The following RNF220 variants were observed in gnomAD, a reference collection of about 807,000 sequenced individuals.
RNF220 encodes the protein ring finger protein 220.
A neutral mutation model predicts 67.1 loss-of-function variants in RNF220; 7 were observed. The ratio of observed to expected loss-of-function variants is 0.10; its 90% CI spans 0.06 to 0.20. The LOEUF (loss-of-function observed/expected upper bound fraction) is 0.20. Among genes scored for constraint, RNF220 ranks in the 10% least tolerant of loss-of-function variants. The pLI is 1.00. For synonymous variants in RNF220, 270 were observed against 283.2 expected (o/e 0.95, Z 0.47); for missense variants, 565 against 740.3 (o/e 0.76, Z 2.75).
chr1:44,520,215 C>T (rs1307764711), intron 2 of RNF220, among the ~76,000 whole-genome samples: 9 of 151,684 alleles, frequency 5.9e-5, no homozygotes, highest in Non-Finnish European at 7.4e-5. Context: ...GTAATCCCAG[C>T]ACTTGGGGAG....
At chr1:44,492,674 G>A (rs1267301160) in intron 2 of RNF220, among the ~76,000 whole-genome samples, 1 of 152,142 alleles carries the variant, frequency 6.6e-6, no homozygotes, top group African/African-American at 2.4e-5. Flanking sequence ...AAAAGGCCAT[G>A]TATTATATGA....
intron 2 of RNF220, among the ~76,000 whole-genome samples, chr1:44,440,592 TATA>T (rs1651448508): frequency 6.6e-6 from 1 of 152,214 alleles, no homozygotes; most frequent in African/African-American, 2.4e-5. Flanking sequence ...ATTTGACCAA[TATA>T]CAGCTAGTTA....
At chr1:44,537,023 G>A (rs1360107258) in intron 2 of RNF220, among the ~76,000 whole-genome samples, 1 of 120,902 alleles carries the variant, frequency 8.3e-6, no homozygotes, top group Non-Finnish European at 1.6e-5. Context: ...ATGCAAATTA[G>A]GCCCCGGGAC....
At chr1:44,567,165 G>A (rs1298009304) in intron 2 of RNF220, among the ~76,000 whole-genome samples, 1 of 152,172 alleles carries the variant, frequency 6.6e-6, no homozygotes, top group African/African-American at 2.4e-5. Flanking sequence ...TCAGGGTGCG[G>A]GAGGTGGGAT....
intron 2 of RNF220, among the ~76,000 whole-genome samples, chr1:44,555,154 A>T (rs1194607664): frequency 6.6e-6 from 1 of 151,256 alleles, no homozygotes; most frequent in Non-Finnish European, 1.5e-5. Flanking sequence ...TGCAGCCTCC[A>T]CCTCCTGGGC....
rs963056419 is a variant in RNF220, at chr1:44,649,341, A to G, written c.1446-320A>G. The G allele has an allele frequency of 1.3e-4, 49 of 391,802 alleles. 1 individual carries two copies. Among genetic ancestry groups the G allele is most frequent in the Non-Finnish European group, 3.3e-5 (7 of 212,458 alleles). 24.3% of individuals were successfully genotyped at this position (391,802 alleles called of 1,614,324 possible). A position where few individuals can be genotyped will look rare whatever the true frequency, so the allele number is the denominator to read the frequency against. On this transcript the variant is annotated intron_variant, in intron 12 of 14. Coordinates refer to ENST00000361799, the MANE Select transcript of RNF220 (RefSeq NM_018150.4). The surrounding 1 kb of genome is among the most constrained non-coding windows in gnomAD (Gnocchi z 5.9). ...GGAAGACATCTGAGAGCCTGGACTC[A>G]TGGTGGTGAGGAGAGATGCCGGAGA...
chr1:44,459,105 T>A (rs1653493421), intron 2 of RNF220, among the ~76,000 whole-genome samples: 1 of 152,174 alleles, frequency 6.6e-6, no homozygotes, highest in Admixed American at 6.5e-5. Flanking sequence ...TAATTTAAAA[T>A]GAAAACAATT....
chr1:44,465,323 C>T (rs1654174121), intron 2 of RNF220, among the ~76,000 whole-genome samples: 1 of 151,502 alleles, frequency 6.6e-6, no homozygotes, highest in South Asian at 2.1e-4. Flanking sequence ...TAATTCCTCT[C>T]AAATGGAAAG....
At chr1:44,555,305 C>T (rs183372021) in intron 2 of RNF220, among the ~76,000 whole-genome samples, 259 of 152,166 alleles carry the variant, frequency 1.7e-3, no homozygotes, top group Non-Finnish European at 2.7e-3. Flanking sequence ...TGGACTCAAG[C>T]GATTCTCCTG....
At chr1:44,439,365 G>A (rs1002466303) in intron 2 of RNF220, among the ~76,000 whole-genome samples, 16 of 152,036 alleles carry the variant, frequency 1.1e-4, no homozygotes, top group Admixed American at 9.8e-4. Context: ...GCTTATCCAT[G>A]TCCTTTACAG....
intron 2 of RNF220, among the ~76,000 whole-genome samples, chr1:44,597,958 C>T (rs1479079075): frequency 7.3e-5 from 11 of 151,374 alleles, no homozygotes; most frequent in African/African-American, 2.4e-4. Flanking sequence ...ACACCCCACC[C>T]CACCCACCTC....
At position 44,473,225 on chromosome 1, in the gene RNF220, C is replaced by T. The variant is rs76648371; in HGVS notation, c.625+60503C>T. On this transcript the variant is annotated intron_variant, in intron 2 of 14. Coordinates refer to ENST00000361799, the MANE Select transcript of RNF220 (RefSeq NM_018150.4). ...TATAATTTAAGGCAGTGAACATGTGCTCTGCTGGCGGCTATAAAGATTCAA... is the reference window on the plus strand; with the variant it reads ...TATAATTTAAGGCAGTGAACATGTGTTCTGCTGGCGGCTATAAAGATTCAA... Among the ~76,000 whole-genome samples, 1,413 of 152,260 alleles carry T rather than the reference C, an allele frequency of 9.3e-3. 11 individuals carry two copies. The highest frequency in any genetic ancestry group is 0.037 in the East Asian group (193 of 5,182).
intron 6 of RNF220, 59 bp from the exon 7 acceptor site, chr1:44,635,486 C>G (rs1656084788): frequency 8.2e-6 from 13 of 1,589,646 alleles, no homozygotes; most frequent in Admixed American, 1.7e-5. Flanking sequence ...CACTGGGACC[C>G]TGGGGGCTGC....
At chr1:44,449,404 A>G (rs948491284) in intron 2 of RNF220, among the ~76,000 whole-genome samples, 1 of 152,070 alleles carries the variant, frequency 6.6e-6, no homozygotes, top group Non-Finnish European at 1.5e-5. Context: ...TCAGCTAAAG[A>G]GTTAGCAAAA....
At chr1:44,595,496 G>T (rs72671910) in intron 2 of RNF220, among the ~76,000 whole-genome samples, 1 of 152,080 alleles carries the variant, frequency 6.6e-6, no homozygotes, top group South Asian at 2.1e-4. Flanking sequence ...GCAGGGTTGT[G>T]TGCAGGCTGG....
intron 2 of RNF220, among the ~76,000 whole-genome samples, chr1:44,464,301 A>G (rs184829592): frequency 2.3e-4 from 35 of 152,326 alleles, no homozygotes; most frequent in African/African-American, 7.7e-4. Context: ...GGTCTGTTCC[A>G]TGTGTCCTTT....
intron 2 of RNF220, chr1:44,545,472 T>A: frequency 6.5e-6 from 1 of 154,278 alleles, no homozygotes; most frequent in Middle Eastern, 5.2e-4. Flanking sequence ...GAGGAGGAAG[T>A]GACTAATCCA....
intron 2 of RNF220, among the ~76,000 whole-genome samples, chr1:44,553,773 G>A (rs1020700513): frequency 2.6e-5 from 4 of 152,144 alleles, no homozygotes; most frequent in African/African-American, 9.7e-5. Context: ...CACGAATGGG[G>A]TAACAAAGGA....
intron 5 of RNF220, among the ~76,000 whole-genome samples, chr1:44,631,204 C>T (rs1482420582): frequency 2.0e-5 from 3 of 152,162 alleles, no homozygotes; most frequent in Admixed American, 6.5e-5. Flanking sequence ...ACTTCACAAG[C>T]GATGATAACG....
Sources: allele counts gnomAD v4.1 joint callset (sites outside exome capture counted in the v4.1 genomes callset), GRCh38; gene constraint gnomAD v4.1.1; non-coding constraint Gnocchi (gnomAD v3.1); transcripts MANE v1.5; gene names NCBI Gene and HGNC (gene_info 2026-07-23, HGNC 2026-07-21).